INPP5A: variants seen among roughly 807,000 people sequenced by gnomAD.
INPP5A encodes the protein inositol polyphosphate-5-phosphatase A, also known as 43 kDa inositol polyphosphate 5-phophatase.
A neutral mutation model predicts 65.2 loss-of-function variants in INPP5A; 14 were observed. The ratio of observed to expected loss-of-function variants is 0.21; its 90% CI spans 0.14 to 0.34. The LOEUF is 0.34. Among genes scored for constraint, INPP5A ranks in the 10% least tolerant of loss-of-function variants. The pLI, the probability that INPP5A is intolerant of heterozygous loss-of-function variation, is 1.00. For synonymous variants in INPP5A, 207 were observed against 208.3 expected, an observed-to-expected ratio of 0.99 and a Z score of 0.05; for missense variants, 431 against 545.6, an observed-to-expected ratio of 0.79 and a Z score of 2.09.
chr10:132,727,670 G>A lies in INPP5A; in HGVS notation c.732+765G>A, dbSNP rs547613987. Among the ~76,000 whole-genome samples, 24 of 144,294 alleles carry A rather than the reference G, an allele frequency of 1.7e-4. No individual in the cohort carries two copies. The highest frequency in any genetic ancestry group is 4.2e-4 in the African/African-American group (17 of 40,310). The allele number at this position is 144,294 out of a possible 152,430, so 94.7% of individuals were successfully genotyped here. A position where few individuals can be genotyped will look rare whatever the true frequency, so the allele number is the denominator to read the frequency against. On this transcript the variant is annotated intron_variant, in intron 9 of 15. Transcript: ENST00000368594. This position sits in a 1 kb window ranked among gnomAD's most constrained non-coding sequence, Gnocchi z 6.5. ...ATGGTGGAGCACCTGTTGCCCACCCGCCCTGGCCCTGCTGCCCTCACCCTC... is the reference window on the plus strand; with the variant it reads ...ATGGTGGAGCACCTGTTGCCCACCCACCCTGGCCCTGCTGCCCTCACCCTC...
intron 12 of INPP5A, among the ~76,000 whole-genome samples, chr10:132,773,357 C>A (rs529044556): frequency 6.6e-6 from 1 of 152,158 alleles, no homozygotes; most frequent in Non-Finnish European, 1.5e-5. Flanking sequence ...TGAGCAAGAT[C>A]GAGTTTTAGC....
intron 8 of INPP5A, among the ~76,000 whole-genome samples, chr10:132,720,218 G>T (rs1185013832): frequency 6.6e-6 from 1 of 150,686 alleles, no homozygotes; most frequent in Non-Finnish European, 1.5e-5. Flanking sequence ...TGGCACCTGG[G>T]TTCTGTCTGG....
At chr10:132,777,860 G>C in intron 13 of INPP5A, 78 bp downstream of exon 13, 1 of 1,561,480 alleles carries the variant, frequency 6.4e-7, no homozygotes, top group Non-Finnish European at 8.7e-7. Context: ...CCTGGTGACA[G>C]GGCCCCAGGG....
At chr10:132,577,070 G>GGAC (rs1380029242) in intron 1 of INPP5A, among the ~76,000 whole-genome samples, 2 of 152,366 alleles carry the variant, frequency 1.3e-5, no homozygotes, top group African/African-American at 4.8e-5. Flanking sequence ...AAAGGTGGCA[G>GGAC]GACTGTGGGG....
intron 4 of INPP5A, among the ~76,000 whole-genome samples, chr10:132,653,715 A>G (rs986670721): frequency 5.9e-5 from 9 of 152,244 alleles, no homozygotes; most frequent in Admixed American, 4.6e-4. Context: ...TCCCAAGTCA[A>G]AGAGAATTAC....
rs559100008 is a variant in INPP5A at position 132,631,567 on chromosome 10, G to A, written c.118-14301G>A. ...ATGTAATTCCTTTTTAGGTCACTCC[G>A]ATACTCCTCTTTGGAGAACGCCTGA... On this transcript the variant is annotated intron_variant, in intron 2 of 15. Transcript: ENST00000368594. Among the ~76,000 whole-genome samples, 362 of 152,350 alleles carry A rather than the reference G, an allele frequency of 2.4e-3. 2 individuals carry two copies. The highest frequency in any genetic ancestry group is 8.0e-3 in the African/African-American group (332 of 41,586).
At chr10:132,577,545 G>A (rs2133294218) in intron 1 of INPP5A, among the ~76,000 whole-genome samples, 1 of 152,360 alleles carries the variant, frequency 6.6e-6, no homozygotes, top group Admixed American at 6.5e-5. Context: ...CCCTGTTTTG[G>A]TGGCCATCAG....
chr10:132,599,692 A>T (rs752768082), intron 1 of INPP5A, among the ~76,000 whole-genome samples: 1 of 152,140 alleles, frequency 6.6e-6, no homozygotes, highest in Non-Finnish European at 1.5e-5. Flanking sequence ...CCTAGCAGAG[A>T]TTCTCCATGA....
chr10:132,543,538 T>G (rs574114965), intron 1 of INPP5A, among the ~76,000 whole-genome samples: 2 of 152,338 alleles, frequency 1.3e-5, no homozygotes, highest in South Asian at 4.1e-4. Context: ...TGCCTTAGCC[T>G]CCTGAATAAC....
At chr10:132,773,977 G>T (rs1847001064) in intron 12 of INPP5A, among the ~76,000 whole-genome samples, 1 of 152,142 alleles carries the variant, frequency 6.6e-6, no homozygotes. Flanking sequence ...GTCCAGGCTG[G>T]TCTTAAACTC....
intron 1 of INPP5A, among the ~76,000 whole-genome samples, chr10:132,573,755 TGA>T (rs2071380706): frequency 8.7e-6 from 1 of 115,320 alleles, no homozygotes. Flanking sequence ...GAGGTTTTGT[TGA>T]GATGTTGGGG....
intron 1 of INPP5A, among the ~76,000 whole-genome samples, chr10:132,572,490 C>T (rs1590838551): frequency 1.3e-5 from 2 of 151,948 alleles, no homozygotes; most frequent in Admixed American, 6.6e-5. Flanking sequence ...TGAGCACGCC[C>T]GCCCGGGGCT....
rs2072375222 is a variant in INPP5A, at chr10:132,637,673, T to G, written c.118-8195T>G. Among the ~76,000 whole-genome samples, 1 of 152,226 alleles carries G rather than the reference T, an allele frequency of 6.6e-6. No homozygotes were observed. Among genetic ancestry groups the G allele is most frequent in the Non-Finnish European group, 1.5e-5 (1 of 68,032 alleles). On this transcript the variant is annotated intron_variant, in intron 2 of 15. Coordinates refer to ENST00000368594, the MANE Select transcript of INPP5A (RefSeq NM_005539.5). This position sits in a 1 kb window ranked among gnomAD's most constrained non-coding sequence, Gnocchi z 4.1. ...CTGTCCTCCTCTGTCATGACTGTTC[T>G]GTGCTTTGCCTTTGCCGCCCCCGAG... is the stretch of plus-strand genomic sequence containing the variant.
At position 132,610,019 on chromosome 10, in the gene INPP5A, G is replaced by A. The variant is rs757670131; in HGVS notation, c.117+2063G>A. On this transcript the variant is annotated intron_variant, in intron 2 of 15. Transcript: ENST00000368594. ...TCCCAATCAAGCCAGCGGCAGCCCC[G>A]CAGGAGCAGAGTTTTAGGAGACGTT... Among the ~76,000 whole-genome samples, 104 of 152,200 alleles carry A rather than the reference G, an allele frequency of 6.8e-4. 1 individual carries two copies. Among genetic ancestry groups the A allele is most frequent in the Non-Finnish European group, 1.3e-3 (91 of 68,026 alleles).
chr10:132,680,365 G>A (rs2073026445), intron 4 of INPP5A, among the ~76,000 whole-genome samples: 1 of 152,234 alleles, frequency 6.6e-6, no homozygotes, highest in Admixed American at 6.5e-5. Context: ...CCAGCTCCAC[G>A]AACCTTTAGG....
rs1173430701 is a variant in INPP5A, at chr10:132,675,268, T to C, written c.307-15124T>C. Among the ~76,000 whole-genome samples the C allele has an allele frequency of 6.6e-6, 1 of 152,220 alleles. No individual in the cohort carries two copies. The highest frequency in any genetic ancestry group is 1.5e-5 in the Non-Finnish European group (1 of 68,042). Reference sequence around the variant, plus strand: ...GGACGGTGCAGCCGCATCTTCCGTGTCCTTGGAGGAAATGTCAGCATAGGG... The same window carrying C: ...GGACGGTGCAGCCGCATCTTCCGTGCCCTTGGAGGAAATGTCAGCATAGGG... On this transcript the variant is annotated intron_variant, in intron 4 of 15. Transcript: ENST00000368594. The surrounding 1 kb of genome is among the most constrained non-coding windows in gnomAD (Gnocchi z 4.2).
At chr10:132,639,649 G>T (rs1161684724) in intron 2 of INPP5A, among the ~76,000 whole-genome samples, 1 of 152,190 alleles carries the variant, frequency 6.6e-6, no homozygotes, top group Non-Finnish European at 1.5e-5. Context: ...TTTGGCCGTT[G>T]TTTTTTCCAA....
rs1846015695 is a variant in INPP5A, at chr10:132,728,000, T to A, written c.732+1095T>A. Among the ~76,000 whole-genome samples, 1 of 152,224 alleles carries A rather than the reference T, an allele frequency of 6.6e-6. No homozygotes were observed. Among genetic ancestry groups the A allele is most frequent in the South Asian group, 2.1e-4 (1 of 4,830 alleles). Reference sequence around the variant, plus strand: ...AGGACATTGTTTCTGAAAGACAGACTGAGCTGGCTTTGATCATCCTGGGTC... The same window carrying A: ...AGGACATTGTTTCTGAAAGACAGACAGAGCTGGCTTTGATCATCCTGGGTC... On this transcript the variant is annotated intron_variant, in intron 9 of 15. Transcript: ENST00000368594. The surrounding 1 kb of genome is among the most constrained non-coding windows in gnomAD (Gnocchi z 6.5).
chr10:132,628,467 G>GT (rs1554937167), intron 2 of INPP5A, among the ~76,000 whole-genome samples: 1 of 143,470 alleles, frequency 7.0e-6, no homozygotes, highest in East Asian at 2.1e-4. Flanking sequence ...TGGTGGCGGG[G>GT]GGGGGGGGGG....
Sources: gnomAD v4.1 joint callset for allele counts (sites outside exome capture counted in the v4.1 genomes callset) on GRCh38, gnomAD v4.1.1 for gene constraint, Gnocchi (gnomAD v3.1) non-coding constraint, MANE v1.5 for transcripts, NCBI Gene and HGNC (gene_info 2026-07-23, HGNC 2026-07-21) for gene names.